Variants in RCBTB2 observed in about 807,000 individuals in gnomAD.
RCBTB2 encodes the protein RCC1 and BTB domain containing protein 2.
RCBTB2 carries 55 observed loss-of-function variants against 65.4 expected under a neutral mutation model. The observed-to-expected ratio is 0.84, with a 90% confidence interval of 0.68 to 1.05. RCBTB2 has a LOEUF of 1.05. Among genes scored for constraint, RCBTB2 ranks in the 50% least tolerant of loss-of-function variants. RCBTB2 has a pLI of 0.00. For missense variants in RCBTB2, 599 were observed against 680.1 expected (o/e 0.88, Z 1.33); for synonymous variants, 220 against 255.2 (o/e 0.86, Z 1.31).
At chr13:48,534,282 C>G (rs1354994639), upstream of RCBTB2, among the ~76,000 whole-genome samples, 1 of 152,174 alleles carries the variant, frequency 6.6e-6, no homozygotes, top group Non-Finnish European at 1.5e-5. Context: ...ATGAGTTAAA[C>G]AGGTTTGCTC....
chr13:48,515,189 G>A lies in RCBTB2; in HGVS notation c.349+16C>T. 1 of 1,605,122 alleles carries A rather than the reference G, an allele frequency of 6.2e-7. No individual in the cohort carries two copies. The highest frequency in any genetic ancestry group is 8.5e-7 in the Non-Finnish European group (1 of 1,176,178). On this transcript the variant is annotated intron_variant, in intron 6 of 14. Coordinates refer to ENST00000344532, the MANE Select transcript of RCBTB2 (RefSeq NM_001268.4). ...TGCGAATAAAGCTGAAATTCTACAT[G>A]GGGTTCCTAGGTTACCTGTTGTTGC...
intron 1 of RCBTB2, among the ~76,000 whole-genome samples, chr13:48,526,160 C>T (rs755225417): frequency 2.0e-5 from 3 of 152,112 alleles, no homozygotes; most frequent in Non-Finnish European, 4.4e-5. Context: ...TCTAATTTTG[C>T]CTTTACCAAG....
intron 4 of RCBTB2, 81 bp from the exon 5 acceptor site, chr13:48,515,822 G>A (rs1293657046): frequency 1.7e-5 from 24 of 1,378,172 alleles, no homozygotes; most frequent in East Asian, 1.2e-4. Context: ...AGAAGAGGGC[G>A]AACACTGGTT....
intron 1 of RCBTB2, chr13:48,532,272 G>T (rs1952176580): frequency 6.6e-6 from 1 of 152,296 alleles, no homozygotes; most frequent in South Asian, 2.1e-4. Context: ...AGAGCACTAT[G>T]TTGCGGCTTA....
At chr13:48,491,326 A>G (rs1419076425) in intron 14 of RCBTB2, among the ~76,000 whole-genome samples, 2 of 152,194 alleles carry the variant, frequency 1.3e-5, no homozygotes, top group African/African-American at 4.8e-5. Flanking sequence ...GAAAGAAACT[A>G]TACTAGGAAA....
intron 2 of RCBTB2, among the ~76,000 whole-genome samples, chr13:48,524,150 A>G (rs1199187027): frequency 2.0e-5 from 3 of 152,148 alleles, no homozygotes; most frequent in South Asian, 2.1e-4. Context: ...TGCATACATA[A>G]TAAAGAAAAC....
intron 14 of RCBTB2, 93 bp downstream of exon 14, chr13:48,496,097 CT>C: frequency 2.5e-6 from 3 of 1,196,900 alleles, no homozygotes; most frequent in Non-Finnish European, 3.3e-6. Flanking sequence ...TAAATATTTC[CT>C]CTACCCAGAC....
intron 14 of RCBTB2, among the ~76,000 whole-genome samples, chr13:48,491,104 T>G (rs1002398736): frequency 6.6e-6 from 1 of 152,046 alleles, no homozygotes; most frequent in African/African-American, 2.4e-5. Flanking sequence ...TTTTTAAAAG[T>G]TTCCTCTCCA....
chr13:48,530,464 T>G (rs1204645485), intron 1 of RCBTB2, among the ~76,000 whole-genome samples: 1 of 152,248 alleles, frequency 6.6e-6, no homozygotes, highest in East Asian at 1.9e-4. Context: ...ATCACCCTCT[T>G]TCTCTAAGCC....
intron 4 of RCBTB2, among the ~76,000 whole-genome samples, chr13:48,518,622 G>A (rs1951239783): frequency 6.6e-6 from 1 of 151,028 alleles, no homozygotes; most frequent in South Asian, 2.1e-4. Context: ...GTAAAACTAT[G>A]TCCCCAATTT....
chr13:48,494,711 G>A (rs918436834), intron 14 of RCBTB2, among the ~76,000 whole-genome samples: 1 of 152,178 alleles, frequency 6.6e-6, no homozygotes, highest in East Asian at 1.9e-4. Context: ...CTCCATCACC[G>A]TGGCTCATCA....
intron 4 of RCBTB2, 107 bp downstream of exon 4, chr13:48,521,791 A>G: frequency 9.9e-7 from 1 of 1,007,392 alleles, no homozygotes; most frequent in East Asian, 2.4e-5. Context: ...CCCCTCAAAG[A>G]TAGATAGTAT....
At position 48,511,907 on chromosome 13, in the gene RCBTB2, CAA is replaced by C. The variant is rs367863595; in HGVS notation, c.676-32_676-31del. The C allele has an allele frequency of 7.9e-5, 127 of 1,612,944 alleles. No homozygotes were observed. The African/African-American group carries it at 1.3e-3, about 17-fold the overall frequency. ...GAGAAAATGAGACCCTCAATCCTCT[CAA>C]GAGACAAATGGCCAGCAAGCTGTCT... On this transcript the variant is annotated intron_variant, in intron 8 of 14. Transcript: ENST00000344532.
chr13:48,532,720 C>G (rs1952224353), intron 1 of RCBTB2: 2 of 297,024 alleles, frequency 6.7e-6, no homozygotes, highest in Non-Finnish European at 1.3e-5. Context: ...GATGTAGTCG[C>G]GAGCAGCGCA....
At chr13:48,515,483 GC>G (rs991984343) in intron 5 of RCBTB2, 102 bp downstream of exon 5, 2 of 1,354,236 alleles carry the variant, frequency 1.5e-6, no homozygotes, top group Non-Finnish European at 2.0e-6. Context: ...TAATTTCCAT[GC>G]TTTTTTTTTT....
chr13:48,494,773 T>G (rs1387077402), intron 14 of RCBTB2, among the ~76,000 whole-genome samples: 2 of 152,306 alleles, frequency 1.3e-5, no homozygotes, highest in South Asian at 4.2e-4. Context: ...TGTCTGACCA[T>G]GAAACATTCT....
intron 9 of RCBTB2, among the ~76,000 whole-genome samples, chr13:48,511,106 T>C (rs1425367102): frequency 6.6e-6 from 1 of 152,142 alleles, no homozygotes; most frequent in East Asian, 1.9e-4. Flanking sequence ...CATGTTCAAT[T>C]TGAAAAATAT....
At chr13:48,495,072 C>T (rs953758957) in intron 14 of RCBTB2, among the ~76,000 whole-genome samples, 9 of 151,956 alleles carry the variant, frequency 5.9e-5, no homozygotes, top group Non-Finnish European at 1.0e-4. Context: ...AAGTTATAAC[C>T]TTTCATCTAC....
intron 1 of RCBTB2, 23 bp downstream of exon 1, chr13:48,533,005 A>C (rs1952263577): frequency 2.2e-6 from 1 of 455,338 alleles, no homozygotes; most frequent in South Asian, 1.5e-5. Context: ...TCGGCCTCCC[A>C]CACCACTCCT....
Sources: allele counts gnomAD v4.1 joint callset (sites outside exome capture counted in the v4.1 genomes callset), GRCh38; gene constraint gnomAD v4.1.1; transcripts MANE v1.5; gene names NCBI Gene and HGNC (gene_info 2026-07-23, HGNC 2026-07-21).